Variants in DGCR2 observed in about 807,000 individuals in gnomAD.
DGCR2 encodes the protein integral membrane protein DGCR2/IDD.
DGCR2 carries 24 observed loss-of-function variants against 51.6 expected under a neutral mutation model. The observed-to-expected ratio is 0.47, with a 90% CI of 0.34 to 0.65. The LOEUF (loss-of-function observed/expected upper bound fraction) is 0.65. Ranked by LOEUF, DGCR2 falls within the 30% of genes least tolerant of loss-of-function variation. The pLI is 0.01. For missense variants in DGCR2, 765 were observed against 772.1 expected, an observed-to-expected ratio of 0.99 and a Z score of 0.11; for synonymous variants, 340 against 315.4, an observed-to-expected ratio of 1.08 and a Z score of -0.82.
intron 6 of DGCR2, among the ~76,000 whole-genome samples, chr22:19,055,562 A>C (rs1453969923): frequency 6.6e-6 from 1 of 152,212 alleles, no homozygotes; most frequent in African/African-American, 2.4e-5. Flanking sequence ...ATAAATAAAT[A>C]AATGTCAAAG....
intron 7 of DGCR2, 123 bp from the exon 8 acceptor site, chr22:19,042,082 CCCAA>C: frequency 1.7e-6 from 2 of 1,147,536 alleles, no homozygotes; most frequent in Non-Finnish European, 2.4e-6. Flanking sequence ...TCTCCCTGCA[CCCAA>C]CCATCTTTAG....
chr22:19,103,823 G>C (rs991082881), intron 1 of DGCR2, among the ~76,000 whole-genome samples: 5 of 151,038 alleles, frequency 3.3e-5, no homozygotes, highest in African/African-American at 1.2e-4. Context: ...AGGTGGGAGG[G>C]TCACTTGAGT....
At chr22:19,075,329 C>T (rs1011957411) in intron 2 of DGCR2, among the ~76,000 whole-genome samples, 1 of 152,138 alleles carries the variant, frequency 6.6e-6, no homozygotes, top group African/African-American at 2.4e-5. Context: ...CGCCTGTAGT[C>T]CCAGCTACTT....
rs1236305658 is a variant in DGCR2 at position 19,036,546 on chromosome 22, GCTGGTCAGA to G, written c.*2310_*2318del. 2.6e-5 allele frequency: 4 copies of G among 152,408 alleles called. No homozygotes were observed. Among genetic ancestry groups the G allele is most frequent in the African/African-American group, 7.2e-5 (3 of 41,446 alleles). 9.4% of individuals were successfully genotyped at this position (152,408 alleles called of 1,614,324 possible). A position where few individuals can be genotyped will look rare whatever the true frequency, so the allele number is the denominator to read the frequency against. ...TTCAGCAAGGGTGACCCCGGGACTT[GCTGGTCAGA>G]CTGGGGACTGCAGCAGGCCTTGCAA... is the stretch of plus-strand genomic sequence containing the variant. On this transcript the variant is annotated 3_prime_UTR_variant, in exon 10 of 10. Transcript: ENST00000263196.
chr22:19,045,821 G>C (rs2082483201), intron 7 of DGCR2, among the ~76,000 whole-genome samples: 1 of 152,158 alleles, frequency 6.6e-6, no homozygotes, highest in Admixed American at 6.5e-5. Flanking sequence ...TTACCTCCCA[G>C]GTTGAAGTGA....
intron 1 of DGCR2, among the ~76,000 whole-genome samples, chr22:19,092,080 G>A (rs1167921640): frequency 3.3e-5 from 5 of 151,828 alleles, no homozygotes; most frequent in Non-Finnish European, 7.4e-5. Flanking sequence ...AGGCATGGTG[G>A]CTCACACCTG....
chr22:19,093,348 G>T (rs999331615), intron 1 of DGCR2, among the ~76,000 whole-genome samples: 1 of 137,268 alleles, frequency 7.3e-6, no homozygotes, highest in Non-Finnish European at 1.5e-5. Context: ...CAACAAGAGT[G>T]AAACTCCACC....
rs1262691922 is a variant in DGCR2, at chr22:19,068,085, A to C, written c.328+15T>G. 5.1e-6 allele frequency: 8 copies of C among 1,558,366 alleles called. No homozygotes were observed. The highest frequency in any genetic ancestry group is 1.4e-5 in the African/African-American group (1 of 73,612). Reference sequence around the variant, plus strand: ...CACTCCCCAGTGTCCCAGTCAGGGCAGGTCTGCAACTTACTGCTGAAGCGA... The same window carrying C: ...CACTCCCCAGTGTCCCAGTCAGGGCCGGTCTGCAACTTACTGCTGAAGCGA... On this transcript the variant is annotated intron_variant, in intron 3 of 9. Coordinates refer to ENST00000263196, the MANE Select transcript of DGCR2 (RefSeq NM_005137.3).
intron 6 of DGCR2, among the ~76,000 whole-genome samples, chr22:19,054,058 T>C (rs1307938733): frequency 6.6e-6 from 1 of 152,204 alleles, no homozygotes; most frequent in Non-Finnish European, 1.5e-5. Context: ...TGCATGATTC[T>C]GGACAATGAA....
chr22:19,039,124 G>C lies in DGCR2; in HGVS notation c.1397-3C>G. 6.2e-7 allele frequency: 1 copy of C among 1,612,912 alleles called. No individual in the cohort carries two copies. The highest frequency in any genetic ancestry group is 8.5e-7 in the Non-Finnish European group (1 of 1,179,912). On this transcript the variant is annotated splice_region_variant and splice_polypyrimidine_tract_variant and intron_variant, in intron 9 of 9. Coordinates refer to ENST00000263196, the MANE Select transcript of DGCR2 (RefSeq NM_005137.3). ...CACAGGCTCAAAAGCATCATCGTCT[G>C]CAGGAAGAGACAGAGGGGTGTCAGA... is the stretch of plus-strand genomic sequence containing the variant.
At chr22:19,114,090 G>T in intron 1 of DGCR2, among the ~76,000 whole-genome samples, 1 of 130,826 alleles carries the variant, frequency 7.6e-6, no homozygotes, top group Middle Eastern at 5.0e-3. Flanking sequence ...AAAAAAGAAC[G>T]AGTTAAGACA....
rs528686505 is a variant in DGCR2, at chr22:19,095,085, G to A, written c.80-5595C>T. ...CATATATGAAAACTCAAATTTGGCCGTGTGCAGAGGCTCACGCCTATAATC... is the reference window on the plus strand; with the variant it reads ...CATATATGAAAACTCAAATTTGGCCATGTGCAGAGGCTCACGCCTATAATC... On this transcript the variant is annotated intron_variant, in intron 1 of 9. Transcript: ENST00000263196. Among the ~76,000 whole-genome samples, 9 of 152,306 alleles carry A rather than the reference G, an allele frequency of 5.9e-5. No individual in the cohort carries two copies. In the East Asian group the frequency reaches 1.7e-3, roughly 29 times the overall value.
At chr22:19,115,069 GC>G (rs2083358892) in intron 1 of DGCR2, among the ~76,000 whole-genome samples, 1 of 151,996 alleles carries the variant, frequency 6.6e-6, no homozygotes. Context: ...AACAGCTACC[GC>G]AGGCAGAGGA....
intron 1 of DGCR2, among the ~76,000 whole-genome samples, chr22:19,113,451 G>C (rs2083339095): frequency 6.6e-6 from 1 of 152,002 alleles, no homozygotes; most frequent in Admixed American, 6.6e-5. Flanking sequence ...ACACCTCTTG[G>C]GCTAGACTGA....
At chr22:19,109,159 G>A (rs2083289488) in intron 1 of DGCR2, among the ~76,000 whole-genome samples, 1 of 152,202 alleles carries the variant, frequency 6.6e-6, no homozygotes, top group Admixed American at 6.5e-5. Context: ...TGGCAATGAT[G>A]TGAAGAAATC....
chr22:19,057,190 GACA>G lies in DGCR2; in HGVS notation c.626-31_626-29del, dbSNP rs2082613462. On this transcript the variant is annotated intron_variant, in intron 5 of 9. Coordinates refer to ENST00000263196, the MANE Select transcript of DGCR2 (RefSeq NM_005137.3). This position sits in a 1 kb window ranked among gnomAD's most constrained non-coding sequence, Gnocchi z 5.1. Reference sequence around the variant, plus strand: ...GTTGGGGAGACAAAAGGTGGGGCTGGACAACATCACATCAGAGGACAAGCTGTG... The same window carrying G: ...GTTGGGGAGACAAAAGGTGGGGCTGGACATCACATCAGAGGACAAGCTGTG... The G allele has an allele frequency of 6.4e-7, 1 of 1,571,642 alleles. No individual in the cohort carries two copies. The highest frequency in any genetic ancestry group is 1.9e-4 in the Middle Eastern group (1 of 5,316).
In DGCR2 at chr22:19,056,565, A is replaced by AC. The variant is rs1175314277; in HGVS notation, c.802+420_802+421insG. The AC allele has an allele frequency of 6.9e-3, 2,447 of 355,530 alleles. 27 individuals are homozygous for AC. The highest frequency in any genetic ancestry group is 0.033 in the African/African-American group (1,170 of 35,336). The allele number at this position is 355,530 out of a possible 1,614,324, so 22.0% of individuals were successfully genotyped here. A position where few individuals can be genotyped will look rare whatever the true frequency, so the allele number is the denominator to read the frequency against. On this transcript the variant is annotated intron_variant, in intron 6 of 9. Coordinates refer to ENST00000263196, the MANE Select transcript of DGCR2 (RefSeq NM_005137.3). ...TTAGCTGGCTTTAATAAAAAAAAAA[A>AC]AACACACACACCATAGACTGGCAAG...
intron 1 of DGCR2, among the ~76,000 whole-genome samples, chr22:19,091,482 A>C (rs978371969): frequency 2.0e-5 from 3 of 152,258 alleles, no homozygotes; most frequent in African/African-American, 4.8e-5. Context: ...CATAATCCTA[A>C]ATGTTTATGT....
intron 2 of DGCR2, among the ~76,000 whole-genome samples, chr22:19,081,513 T>C (rs1168523251): frequency 6.6e-6 from 1 of 152,196 alleles, no homozygotes; most frequent in Non-Finnish European, 1.5e-5. Flanking sequence ...TAACATTCCA[T>C]CATGTGAGCA....
Sources: allele counts gnomAD v4.1 joint callset (sites outside exome capture counted in the v4.1 genomes callset), GRCh38; gene constraint gnomAD v4.1.1; non-coding constraint Gnocchi (gnomAD v3.1); transcripts MANE v1.5; gene names NCBI Gene and HGNC (gene_info 2026-07-23, HGNC 2026-07-21).